The following CEP89 variants were observed in gnomAD, a reference collection of about 807,000 sequenced individuals.
The protein encoded by CEP89 is centrosomal protein of 89 kDa.
CEP89 carries 95 observed loss-of-function variants against 97.6 expected under a neutral mutation model. The ratio of observed to expected loss-of-function variants is 0.97; its 90% CI spans 0.82 to 1.15. The LOEUF (loss-of-function observed/expected upper bound fraction) is 1.15, where lower values mean the gene tolerates loss of function less well. Among genes scored for constraint, CEP89 ranks in the 50% most tolerant of loss-of-function variants. The probability of loss-of-function intolerance (pLI) is 0.00; values close to 1 mark genes in which losing one functional copy is unlikely to be tolerated. For synonymous variants in CEP89, 354 were observed against 349.1 expected, an observed-to-expected ratio of 1.01 and a Z score of -0.16; for missense variants, 869 against 947.7, an observed-to-expected ratio of 0.92 and a Z score of 1.09.
In CEP89 at chr19:32,945,200, C is replaced by G. The variant is rs554322714; in HGVS notation, c.595+3066G>C. Among the ~76,000 whole-genome samples, 253 of 150,460 alleles carry G rather than the reference C, an allele frequency of 1.7e-3. 1 individual carries two copies. The highest frequency in any genetic ancestry group is 6.0e-3 in the African/African-American group (245 of 40,940). The stretch of plus-strand genomic sequence containing the variant: ...TCAGGAGGCTGAGGCAGGAGAATGG[C>G]TTGAACCCAGGAGGCGGAGGTTGCA... On this transcript the variant is annotated intron_variant, in intron 5 of 18. Transcript: ENST00000305768.
At chr19:32,948,965 C>T (rs753527626) in intron 4 of CEP89, among the ~76,000 whole-genome samples, 12 of 152,120 alleles carry the variant, frequency 7.9e-5, no homozygotes, top group Non-Finnish European at 1.0e-4. Flanking sequence ...AGGGCCCATG[C>T]GATCCTCCTG....
intron 13 of CEP89, among the ~76,000 whole-genome samples, chr19:32,917,015 A>G (rs1970141303): frequency 6.6e-6 from 1 of 152,154 alleles, no homozygotes; most frequent in South Asian, 2.1e-4. Flanking sequence ...CAAAAAAAAT[A>G]AAAAGAAAAT....
chr19:32,959,428 G>A (rs1031888972), intron 3 of CEP89, among the ~76,000 whole-genome samples: 2 of 152,008 alleles, frequency 1.3e-5, no homozygotes, highest in African/African-American at 4.8e-5. Context: ...TCAAACCCAG[G>A]ACAAGCAACA....
intron 3 of CEP89, among the ~76,000 whole-genome samples, chr19:32,955,614 A>G (rs1391873763): frequency 6.6e-6 from 1 of 151,826 alleles, no homozygotes; most frequent in Non-Finnish European, 1.5e-5. Context: ...CCCGCGTTCA[A>G]GTGATTCTCC....
rs991941807 is a variant in CEP89, at chr19:32,879,270, G to A, written c.2244C>T (p.Asn748=). Residue 748 remains asparagine (N), a synonymous_variant, in exon 19 of 19, where the codon AAC becomes AAT. Transcript: ENST00000305768. ...DTLTRTGVQD[N]PRALVAPSLN... ...GGCTGGGGGCAACCAGAGCTCTGGG[G>A]TTGTCCTGCACGCCTGTCCTCGTGA... 1.9e-6 allele frequency: 3 copies of A among 1,614,256 alleles called. No individual in the cohort carries two copies. Among genetic ancestry groups the A allele is most frequent in the Admixed American group, 1.7e-5 (1 of 60,032 alleles).
Position 32,926,285 on chromosome 19 carries a change from G to A in CEP89, c.1081-12C>T. ...TACTTTATATCCAACTGAAGATAGA[G>A]AGTAAAGGAAGGTTAATATATTTCT... On this transcript the variant is annotated splice_polypyrimidine_tract_variant and intron_variant, in intron 10 of 18. Transcript: ENST00000305768. The A allele has an allele frequency of 6.3e-7, 1 of 1,578,432 alleles. No individual in the cohort carries two copies. Among genetic ancestry groups the A allele is most frequent in the Non-Finnish European group, 8.7e-7 (1 of 1,148,992 alleles).
intron 7 of CEP89, among the ~76,000 whole-genome samples, chr19:32,934,543 C>T (rs1970541870): frequency 6.6e-6 from 1 of 152,194 alleles, no homozygotes; most frequent in Admixed American, 6.5e-5. Context: ...CAGACGAGGG[C>T]AGGATGGCTG....
At chr19:32,924,623 C>A (rs1970318445) in intron 11 of CEP89, among the ~76,000 whole-genome samples, 1 of 152,188 alleles carries the variant, frequency 6.6e-6, no homozygotes, top group Non-Finnish European at 1.5e-5. Context: ...TAAAGCAGCA[C>A]TGCCAAGTAA....
chr19:32,895,364 A>G (rs914414984), intron 16 of CEP89, among the ~76,000 whole-genome samples: 5 of 152,242 alleles, frequency 3.3e-5, no homozygotes, highest in African/African-American at 1.2e-4. Flanking sequence ...ATGAAGGATA[A>G]AAACCATATG....
At chr19:32,885,357 G>C (rs1244307521) in intron 17 of CEP89, among the ~76,000 whole-genome samples, 1 of 152,234 alleles carries the variant, frequency 6.6e-6, no homozygotes, top group Admixed American at 6.5e-5. Context: ...GTCTTGCTCT[G>C]TTGCCCAGGC....
intron 1 of CEP89, chr19:32,970,733 T>A (rs1971385134): frequency 1.3e-5 from 2 of 152,236 alleles, no homozygotes; most frequent in Non-Finnish European, 2.9e-5. Flanking sequence ...TGACCTCAAA[T>A]GATCCGCCTG....
chr19:32,962,394 T>G (rs1383285227), intron 2 of CEP89, among the ~76,000 whole-genome samples: 1 of 152,200 alleles, frequency 6.6e-6, no homozygotes, highest in Non-Finnish European at 1.5e-5. Context: ...GCTTATAAAT[T>G]ACCACATCTG....
intron 14 of CEP89, among the ~76,000 whole-genome samples, chr19:32,903,515 C>T (rs759595077): frequency 1.1e-4 from 16 of 151,866 alleles, no homozygotes; most frequent in African/African-American, 3.6e-4. Flanking sequence ...GGGACAGAGA[C>T]GGAGAATACA....
intron 5 of CEP89, among the ~76,000 whole-genome samples, chr19:32,942,848 TC>T (rs1970715707): frequency 6.9e-6 from 1 of 144,698 alleles, no homozygotes; most frequent in Non-Finnish European, 1.5e-5. Context: ...TCTATTCCAG[TC>T]TTTTTTTTTT....
At chr19:32,926,566 TG>T (rs1201477367) in intron 10 of CEP89, among the ~76,000 whole-genome samples, 2 of 152,126 alleles carry the variant, frequency 1.3e-5, no homozygotes, top group Admixed American at 6.5e-5. Context: ...GCGGTCAGAA[TG>T]AGCTCCGTTG....
At chr19:32,913,201 CATATATACCATATGT>C (rs1970042286) in intron 14 of CEP89, among the ~76,000 whole-genome samples, 2 of 148,714 alleles carry the variant, frequency 1.3e-5, no homozygotes, top group Admixed American at 6.7e-5. Context: ...ACATAATTAT[CATATATACCATATGT>C]ATATATACCA....
chr19:32,950,744 G>A (rs1331100651), intron 4 of CEP89, among the ~76,000 whole-genome samples: 2 of 152,138 alleles, frequency 1.3e-5, no homozygotes, highest in Non-Finnish European at 2.9e-5. Flanking sequence ...GTTCACAGCA[G>A]CACTATTCCT....
chr19:32,924,040 C>T (rs1970307286), intron 11 of CEP89, among the ~76,000 whole-genome samples: 1 of 144,436 alleles, frequency 6.9e-6, no homozygotes. Context: ...GGGTCTCGCT[C>T]TGTCACCCAG....
At chr19:32,880,324 G>A (rs1385735300) in intron 18 of CEP89, among the ~76,000 whole-genome samples, 2 of 151,994 alleles carry the variant, frequency 1.3e-5, no homozygotes, top group Non-Finnish European at 2.9e-5. Flanking sequence ...AGGGAGGCCA[G>A]TGATGTGCCC....
Sources: allele counts gnomAD v4.1 joint callset (sites outside exome capture counted in the v4.1 genomes callset), GRCh38; gene constraint gnomAD v4.1.1; transcripts MANE v1.5; gene names NCBI Gene and HGNC (gene_info 2026-07-23, HGNC 2026-07-21).